FRMD3: variants seen among roughly 807,000 people sequenced by gnomAD.
FRMD3 encodes FERM domain containing 3, also known as FERM domain-containing protein 3.
In FRMD3, 33 loss-of-function variants were observed where a neutral mutation model predicts 70.2. That is an observed-to-expected ratio of 0.47 (90% confidence interval 0.36 to 0.63). The LOEUF (loss-of-function observed/expected upper bound fraction) is 0.63, where lower values mean the gene tolerates loss of function less well. FRMD3 is among the 20% of genes least tolerant of loss of function. FRMD3 has a pLI of 0.00. For missense variants in FRMD3, 632 were observed against 711.4 expected (o/e 0.89, Z 1.27); for synonymous variants, 279 against 255.9 (o/e 1.09, Z -0.86).
chr9:83,430,705 C>A (rs1826950260), intron 1 of FRMD3, among the ~76,000 whole-genome samples: 1 of 152,116 alleles, frequency 6.6e-6, no homozygotes, highest in Admixed American at 6.5e-5. Context: ...CGTTGGTAGC[C>A]CCACGTCCAT....
chr9:83,405,936 C>T (rs777626784), intron 1 of FRMD3, among the ~76,000 whole-genome samples: 1 of 152,032 alleles, frequency 6.6e-6, no homozygotes, highest in Non-Finnish European at 1.5e-5. Flanking sequence ...TTTACTCGGT[C>T]ACAGATTAAA....
At chr9:83,584,118 G>A in the FRMD3 span, among the ~76,000 whole-genome samples, 2 of 152,132 alleles carry the variant, frequency 1.3e-5, no homozygotes, top group Admixed American at 1.3e-4. Context: ...GGTGGATCAC[G>A]AGGTCAAGAG....
chr9:83,515,742 G>A (rs1356200526), intron 1 of FRMD3, among the ~76,000 whole-genome samples: 5 of 152,158 alleles, frequency 3.3e-5, no homozygotes, highest in Admixed American at 3.3e-4. Context: ...ACCCACAAAG[G>A]GAAGCCCATC....
chr9:83,267,293 G>A (rs1368262346), intron 13 of FRMD3: 2 of 1,465,348 alleles, frequency 1.4e-6, no homozygotes, highest in African/African-American at 1.4e-5. Flanking sequence ...ACTCATGAGG[G>A]ATCAGCATTG....
At chr9:83,452,885 C>T (rs1282616772) in intron 1 of FRMD3, among the ~76,000 whole-genome samples, 4 of 128,628 alleles carry the variant, frequency 3.1e-5, no homozygotes, top group African/African-American at 9.0e-5. Context: ...GACAGAGTCT[C>T]GCCCTGTCAC....
intron 6 of FRMD3, among the ~76,000 whole-genome samples, chr9:83,314,870 TC>T (rs1173253433): frequency 6.6e-5 from 10 of 152,248 alleles, no homozygotes; most frequent in African/African-American, 2.4e-4. Context: ...CTCTCTTATC[TC>T]CTTTGAGAGG....
chr9:83,408,852 G>A (rs562355729), intron 1 of FRMD3, among the ~76,000 whole-genome samples: 2 of 152,116 alleles, frequency 1.3e-5, no homozygotes, highest in Non-Finnish European at 2.9e-5. Context: ...TAACCATTCA[G>A]GTGCAGGGAA....
rs878959081 is a variant in FRMD3 at position 83,290,165 on chromosome 9, T to C, written c.1195+438A>G. 5.9e-5 allele frequency among the ~76,000 whole-genome samples: 9 copies of C among 152,164 alleles called. 1 individual carries two copies. Among genetic ancestry groups the C allele is most frequent in the Admixed American group, 5.9e-4 (9 of 15,278 alleles). On this transcript the variant is annotated intron_variant, in intron 13 of 13. Coordinates refer to ENST00000304195, the MANE Select transcript of FRMD3 (RefSeq NM_174938.6). ...CATCAACATCCAATAGAAGTTTCAGTGATAGAGGAAATTATCTCAGTCTCA... is the reference window on the plus strand; with the variant it reads ...CATCAACATCCAATAGAAGTTTCAGCGATAGAGGAAATTATCTCAGTCTCA...
At chr9:83,339,580 G>T (rs996742354) in intron 5 of FRMD3, among the ~76,000 whole-genome samples, 1 of 152,186 alleles carries the variant, frequency 6.6e-6, no homozygotes, top group African/African-American at 2.4e-5. Flanking sequence ...CATTCCAAAA[G>T]AATTTGAGAT....
chr9:83,281,124 G>A (rs1449368554), intron 13 of FRMD3, among the ~76,000 whole-genome samples: 1 of 152,158 alleles, frequency 6.6e-6, no homozygotes, highest in Non-Finnish European at 1.5e-5. Context: ...CGGAGGGAGA[G>A]GCTCTGAGAT....
Position 83,311,978 on chromosome 9 carries a change from G to GAAA in FRMD3, c.685-6_685-4dup. On this transcript the variant is annotated splice_region_variant and splice_polypyrimidine_tract_variant and intron_variant, in intron 7 of 13. Coordinates refer to ENST00000304195, the MANE Select transcript of FRMD3 (RefSeq NM_174938.6). ...AATGTTGTTGTGCCTGTTGAATCCT[G>GAAA]AAAAAAAAAAAAAAGAAAAAAGAAA... is the stretch of plus-strand genomic sequence containing the variant. The GAAA allele has an allele frequency of 5.4e-5, 71 of 1,325,862 alleles. No individual in the cohort carries two copies. The highest frequency in any genetic ancestry group is 1.4e-4 in the South Asian group (10 of 73,788). The allele number at this position is 1,325,862 out of a possible 1,614,324, so 82.1% of individuals were successfully genotyped here. A position where few individuals can be genotyped will look rare whatever the true frequency, so the allele number is the denominator to read the frequency against.
chr9:83,266,349 AT>A (rs1164771348), intron 13 of FRMD3, among the ~76,000 whole-genome samples: 2 of 152,134 alleles, frequency 1.3e-5, no homozygotes, highest in African/African-American at 4.8e-5. Flanking sequence ...AATTACAGAC[AT>A]TTTCCAGGTT....
intron 2 of FRMD3, among the ~76,000 whole-genome samples, chr9:83,379,915 A>G (rs1825304724): frequency 6.6e-6 from 1 of 152,042 alleles, no homozygotes; most frequent in Non-Finnish European, 1.5e-5. Flanking sequence ...TACCCTCTAC[A>G]TGACTTTGCC....
At chr9:83,284,590 G>C (rs1357862211) in intron 13 of FRMD3, among the ~76,000 whole-genome samples, 2 of 152,184 alleles carry the variant, frequency 1.3e-5, no homozygotes, top group Non-Finnish European at 2.9e-5. Context: ...CCTGGCAACA[G>C]AGCAAGACTC....
chr9:83,426,751 G>A (rs568673678), intron 1 of FRMD3, among the ~76,000 whole-genome samples: 7 of 152,316 alleles, frequency 4.6e-5, no homozygotes, highest in African/African-American at 1.7e-4. Context: ...GGCACAAGGT[G>A]GTAAACAGAG....
chr9:83,277,029 T>A (rs1381270581), intron 13 of FRMD3, among the ~76,000 whole-genome samples: 3 of 152,214 alleles, frequency 2.0e-5, no homozygotes, highest in Non-Finnish European at 4.4e-5. Flanking sequence ...AAGTGTTATA[T>A]CCAGTTTTCG....
chr9:83,288,734 T>A (rs1317099550), intron 13 of FRMD3, among the ~76,000 whole-genome samples: 2 of 152,258 alleles, frequency 1.3e-5, no homozygotes. Flanking sequence ...TACAATGGTT[T>A]GTCTATTGTC....
intron 1 of FRMD3, among the ~76,000 whole-genome samples, chr9:83,451,551 A>C (rs1294987584): frequency 1.3e-5 from 2 of 152,236 alleles, no homozygotes; most frequent in Non-Finnish European, 2.9e-5. Context: ...GGGGCCAAAT[A>C]GCCTGACAGG....
chr9:83,556,626 CTCAGT>C, the FRMD3 span, among the ~76,000 whole-genome samples: 1 of 151,872 alleles, frequency 6.6e-6, no homozygotes, highest in African/African-American at 2.4e-5. Context: ...ATTGTTGTTT[CTCAGT>C]TTTTAATTTG....
Sources: allele counts gnomAD v4.1 joint callset (sites outside exome capture counted in the v4.1 genomes callset), GRCh38; gene constraint gnomAD v4.1.1; transcripts MANE v1.5; gene names NCBI Gene and HGNC (gene_info 2026-07-23, HGNC 2026-07-21).